SLC24A2: variants seen among roughly 807,000 people sequenced by gnomAD.
SLC24A2 encodes solute carrier family 24 member 2.
Under a neutral mutation model 62.0 loss-of-function variants are expected in SLC24A2, and 36 were observed. The ratio of observed to expected loss-of-function variants is 0.58; its 90% CI spans 0.44 to 0.77. The LOEUF is 0.77. Among genes scored for constraint, SLC24A2 ranks in the 30% least tolerant of loss-of-function variants. The pLI, the probability that SLC24A2 is intolerant of heterozygous loss-of-function variation, is 0.00. For synonymous variants in SLC24A2, 358 were observed against 294.0 expected (o/e 1.22, Z -2.23); for missense variants, 846 against 817.9 (o/e 1.03, Z -0.42).
chr9:20,059,840 T>C, the SLC24A2 span, among the ~76,000 whole-genome samples: 1 of 151,724 alleles, frequency 6.6e-6, no homozygotes, highest in Non-Finnish European at 1.5e-5. Flanking sequence ...AGAAAAACAA[T>C]AGAGAAAATC....
intron 5 of SLC24A2, among the ~76,000 whole-genome samples, chr9:19,581,286 TC>T (rs1452190535): frequency 2.0e-5 from 3 of 152,210 alleles, no homozygotes; most frequent in Non-Finnish European, 4.4e-5. Context: ...GAGCTGGCTT[TC>T]TGGGCTTAAA....
At chr9:20,288,285 A>G in the SLC24A2 span, among the ~76,000 whole-genome samples, 434 of 152,296 alleles carry the variant, frequency 2.8e-3, 7 homozygotes, top group African/African-American at 0.01. Context: ...GCAAGGGTTC[A>G]TATGGCAGTT....
the SLC24A2 span, among the ~76,000 whole-genome samples, chr9:20,144,953 G>C: frequency 6.6e-6 from 1 of 152,074 alleles, no homozygotes; most frequent in South Asian, 2.1e-4. Context: ...TTCCAAAGAA[G>C]GATAATAGAC....
chr9:19,763,640 T>G (rs887124069), intron 2 of SLC24A2, among the ~76,000 whole-genome samples: 1 of 152,166 alleles, frequency 6.6e-6, no homozygotes, highest in African/African-American at 2.4e-5. Flanking sequence ...GTTGAACCAG[T>G]CTTGCATCCC....
the SLC24A2 span, among the ~76,000 whole-genome samples, chr9:20,236,438 C>G: frequency 1.3e-5 from 2 of 152,098 alleles, no homozygotes; most frequent in Non-Finnish European, 2.9e-5. Context: ...AGGGAGGAGG[C>G]CATCATGAAA....
intron 7 of SLC24A2, among the ~76,000 whole-genome samples, chr9:19,556,227 T>G (rs978874427): frequency 3.9e-5 from 6 of 152,230 alleles, no homozygotes; most frequent in Non-Finnish European, 7.3e-5. Context: ...CTTCTTTGCA[T>G]GTACATCTTA....
the SLC24A2 span, among the ~76,000 whole-genome samples, chr9:20,166,623 A>T: frequency 6.6e-6 from 1 of 152,142 alleles, no homozygotes; most frequent in South Asian, 2.1e-4. Context: ...GCAAAAAGAA[A>T]CACAGTAAGT....
At chr9:19,543,423 C>G (rs1034826794) in intron 8 of SLC24A2, among the ~76,000 whole-genome samples, 3 of 147,086 alleles carry the variant, frequency 2.0e-5, no homozygotes, top group African/African-American at 7.5e-5. Flanking sequence ...TTTCATGTCT[C>G]TATCTCCTTC....
the SLC24A2 span, among the ~76,000 whole-genome samples, chr9:20,040,867 C>T: frequency 7.2e-5 from 11 of 152,170 alleles, no homozygotes; most frequent in East Asian, 1.9e-4. Flanking sequence ...AGAGTTGAGC[C>T]GTTTGTCTAC....
chr9:19,779,291 G>GA (rs769071884), intron 2 of SLC24A2, among the ~76,000 whole-genome samples: 1 of 152,062 alleles, frequency 6.6e-6, no homozygotes, highest in African/African-American at 2.4e-5. Flanking sequence ...ACCTAAATGA[G>GA]AAAATCACAC....
chr9:20,106,328 A>C, the SLC24A2 span, among the ~76,000 whole-genome samples: 1 of 152,212 alleles, frequency 6.6e-6, no homozygotes, highest in Non-Finnish European at 1.5e-5. Flanking sequence ...AAAAGAGGGA[A>C]TACTCCCTAA....
chr9:20,102,506 A>G, the SLC24A2 span, among the ~76,000 whole-genome samples: 4 of 147,466 alleles, frequency 2.7e-5, no homozygotes, highest in Middle Eastern at 6.9e-3. Flanking sequence ...GTGGGGGGGG[A>G]AGGGGACACA....
chr9:19,947,799 A>AG, the SLC24A2 span, among the ~76,000 whole-genome samples: 5 of 121,794 alleles, frequency 4.1e-5, no homozygotes, highest in African/African-American at 1.4e-4. Context: ...TCAAAAAAAA[A>AG]AAAAAAAAAA....
chr9:20,217,016 C>A, the SLC24A2 span, among the ~76,000 whole-genome samples: 1 of 151,962 alleles, frequency 6.6e-6, no homozygotes, highest in South Asian at 2.1e-4. Context: ...CATTTGCTCA[C>A]CAAAAGTCAA....
chr9:19,562,973 G>C (rs929629940), intron 7 of SLC24A2, among the ~76,000 whole-genome samples: 1 of 152,106 alleles, frequency 6.6e-6, no homozygotes, highest in African/African-American at 2.4e-5. Flanking sequence ...GGGCATGGTG[G>C]TTTGCACCTG....
the SLC24A2 span, among the ~76,000 whole-genome samples, chr9:19,912,568 C>T: frequency 3.9e-5 from 6 of 152,114 alleles, no homozygotes; most frequent in East Asian, 1.9e-4. Context: ...ACTGAATGCA[C>T]GTGGGACCCT....
At chr9:19,792,993 C>G (rs1823338427), upstream of SLC24A2, among the ~76,000 whole-genome samples, 1 of 152,092 alleles carries the variant, frequency 6.6e-6, no homozygotes, top group African/African-American at 2.4e-5. Context: ...TGACAATGAC[C>G]CTCACTCTCC....
intron 2 of SLC24A2, among the ~76,000 whole-genome samples, chr9:19,745,316 C>T (rs549042306): frequency 3.7e-4 from 56 of 152,250 alleles, no homozygotes; most frequent in Admixed American, 2.3e-3. Context: ...TACCCAGCCT[C>T]GGGTATTCCT....
chr9:20,199,583 T>C, the SLC24A2 span, among the ~76,000 whole-genome samples: 47 of 152,300 alleles, frequency 3.1e-4, no homozygotes, highest in Non-Finnish European at 5.3e-4. Context: ...GGATTTTCAA[T>C]ATTTTTCAAT....
Sources: allele counts gnomAD v4.1 joint callset (sites outside exome capture counted in the v4.1 genomes callset), GRCh38; gene constraint gnomAD v4.1.1; transcripts MANE v1.5; gene names NCBI Gene and HGNC (gene_info 2026-07-23, HGNC 2026-07-21).